The following CPM variants were observed in gnomAD, a reference collection of about 807,000 sequenced individuals.
CPM encodes the protein renal carboxypeptidase.
CPM carries 35 observed loss-of-function variants against 46.4 expected under a neutral mutation model. That is an observed-to-expected ratio of 0.75 (90% CI 0.58 to 1.00). The LOEUF (loss-of-function observed/expected upper bound fraction) is 1.00. Among genes scored for constraint, CPM ranks in the 50% least tolerant of loss-of-function variants. CPM has a pLI of 0.00. For synonymous variants in CPM, 195 were observed against 195.3 expected (o/e 1.00, Z 0.01); for missense variants, 422 against 530.4 (o/e 0.80, Z 2.01).
chr12:68,931,387 T>A (rs375603894), intron 2 of CPM, among the ~76,000 whole-genome samples: 11 of 152,178 alleles, frequency 7.2e-5, no homozygotes, highest in Admixed American at 5.9e-4. Context: ...AACTTTTGAT[T>A]TAAGGACTAA....
intron 3 of CPM, among the ~76,000 whole-genome samples, chr12:68,873,861 A>G (rs1424583968): frequency 1.3e-5 from 2 of 151,712 alleles, no homozygotes. Context: ...GCTAGAGTGC[A>G]GTGGCACCAT....
At chr12:68,867,909 TGGA>T in intron 6 of CPM, among the ~76,000 whole-genome samples, 1 of 152,232 alleles carries the variant, frequency 6.6e-6, no homozygotes, top group Middle Eastern at 3.4e-3. Flanking sequence ...ATGCCAAGCG[TGGA>T]GGGGGCAGTT....
intron 1 of CPM, among the ~76,000 whole-genome samples, chr12:68,962,056 C>T (rs577583839): frequency 6.3e-4 from 95 of 151,972 alleles, no homozygotes; most frequent in African/African-American, 1.6e-3. Flanking sequence ...AAAAATTAGC[C>T]GGGCACGGTG....
At chr12:68,927,625 A>T (rs974088521) in intron 2 of CPM, among the ~76,000 whole-genome samples, 4 of 152,160 alleles carry the variant, frequency 2.6e-5, no homozygotes, top group African/African-American at 9.7e-5. Context: ...TGTTTTAGAC[A>T]TGAAGTCCTT....
intron 2 of CPM, among the ~76,000 whole-genome samples, chr12:68,909,220 A>C (rs1887478084): frequency 6.6e-6 from 1 of 152,054 alleles, no homozygotes; most frequent in Non-Finnish European, 1.5e-5. Context: ...TTTTTAAAAA[A>C]ATTTTCGTTA....
chr12:68,916,951 T>TA (rs1329522669), intron 2 of CPM, among the ~76,000 whole-genome samples: 1 of 151,244 alleles, frequency 6.6e-6, no homozygotes, highest in Non-Finnish European at 1.5e-5. Context: ...AAACTAACTG[T>TA]AAAATTATCA....
rs570491377 is a variant in CPM at position 68,856,535 on chromosome 12, T to C, written c.1234A>G (p.Met412Val). ...GGCAAATTTCTGTATAGAGGAATCA[T>C]TGGGCATGAAGGATTTGATACTGGG... is the stretch of plus-strand genomic sequence containing the variant. ...SIPVSNPSCP[M>V]IPLYRNLPDH... Residue 412 changes from methionine to valine, a missense_variant, in exon 9 of 9, where the codon ATG (methionine) becomes GTG (valine). Transcript: ENST00000551568. The C allele has an allele frequency of 3.2e-5, 52 of 1,614,256 alleles. No homozygotes were observed. The highest frequency in any genetic ancestry group is 1.8e-4 in the Admixed American group (11 of 60,028).
At chr12:68,941,425 G>C (rs1270164534) in intron 1 of CPM, among the ~76,000 whole-genome samples, 1 of 151,966 alleles carries the variant, frequency 6.6e-6, no homozygotes, top group Non-Finnish European at 1.5e-5. Context: ...CCAGGCTGGA[G>C]TGCAGTGACG....
Position 68,856,255 on chromosome 12 carries a change from T to G in CPM, c.*182A>C, listed in dbSNP as rs1167130926. 5 of 668,352 alleles carry G rather than the reference T, an allele frequency of 7.5e-6. No homozygotes were observed. The highest frequency in any genetic ancestry group is 4.2e-4 in the Middle Eastern group (1 of 2,380). 41.4% of individuals were successfully genotyped at this position (668,352 alleles called of 1,614,324 possible). A position where few individuals can be genotyped will look rare whatever the true frequency, so the allele number is the denominator to read the frequency against. ...TCCATTCACCGTCAAGACTGAATCA[T>G]TCTTTTCATTATCACCACATATTGC... On this transcript the variant is annotated 3_prime_UTR_variant, in exon 9 of 9. Coordinates refer to ENST00000551568, the MANE Select transcript of CPM (RefSeq NM_198320.5).
intron 3 of CPM, among the ~76,000 whole-genome samples, chr12:68,882,024 CT>C (rs60522842): frequency 0.017 from 2,122 of 124,738 alleles, 94 homozygotes; most frequent in African/African-American, 0.059. Flanking sequence ...GCCCGGCCTG[CT>C]TTTTTTTTTT....
intron 2 of CPM, among the ~76,000 whole-genome samples, chr12:68,897,271 G>A (rs1399015938): frequency 7.3e-6 from 1 of 136,756 alleles, no homozygotes; most frequent in Non-Finnish European, 1.6e-5. Flanking sequence ...TCCCCTTTAG[G>A]TTTTTTTTTT....
chr12:68,953,064 AAGG>A (rs1279824060), intron 1 of CPM, among the ~76,000 whole-genome samples: 16 of 152,240 alleles, frequency 1.1e-4, no homozygotes, highest in African/African-American at 3.1e-4. Flanking sequence ...TCAGGCCAGG[AAGG>A]CAGGTACTGG....
At chr12:68,949,734 ACAAG>A (rs1250967519) in intron 1 of CPM, among the ~76,000 whole-genome samples, 2 of 152,224 alleles carry the variant, frequency 1.3e-5, no homozygotes, top group Non-Finnish European at 2.9e-5. Flanking sequence ...CTTGTGGTGC[ACAAG>A]CAAGCGAACA....
intron 2 of CPM, among the ~76,000 whole-genome samples, chr12:68,916,706 T>C (rs1287126121): frequency 2.0e-5 from 3 of 152,142 alleles, no homozygotes; most frequent in East Asian, 1.9e-4. Context: ...CTGGACAACA[T>C]GGTGAAACCC....
chr12:68,872,094 C>T (rs906145318), intron 3 of CPM, 138 bp from the exon 4 acceptor site: 9 of 860,216 alleles, frequency 1.0e-5, no homozygotes, highest in Non-Finnish European at 1.4e-5. Context: ...ATCACTCTTT[C>T]TCAAGCATGC....
chr12:68,960,408 G>A (rs189847245), intron 1 of CPM, among the ~76,000 whole-genome samples: 1 of 152,328 alleles, frequency 6.6e-6, no homozygotes, highest in Non-Finnish European at 1.5e-5. Context: ...CTGAAACGTG[G>A]ATGTAACTAT....
downstream of CPM, chr12:68,850,747 A>G (rs1440114762): frequency 1.3e-5 from 2 of 152,206 alleles, no homozygotes; most frequent in Non-Finnish European, 2.9e-5. Flanking sequence ...TGTTAATCCA[A>G]AGGGATGGTA....
chr12:68,873,605 C>T (rs962965725), intron 3 of CPM, among the ~76,000 whole-genome samples: 13 of 145,740 alleles, frequency 8.9e-5, no homozygotes, highest in African/African-American at 3.3e-4. Context: ...GAGGTTGAGG[C>T]AGCAGTGAGA....
chr12:68,883,203 T>C (rs1886272085), intron 3 of CPM, among the ~76,000 whole-genome samples: 3 of 152,162 alleles, frequency 2.0e-5, no homozygotes, highest in Admixed American at 1.3e-4. Context: ...TAGCAAGGAA[T>C]ACACCAAAAA....
Sources: allele counts gnomAD v4.1 joint callset (sites outside exome capture counted in the v4.1 genomes callset), GRCh38; gene constraint gnomAD v4.1.1; transcripts MANE v1.5; gene names NCBI Gene and HGNC (gene_info 2026-07-23, HGNC 2026-07-21).